ZFAND6: variants seen among roughly 807,000 people sequenced by gnomAD.
The protein encoded by ZFAND6 is zinc finger AN1-type containing 6.
Under a neutral mutation model 24.5 loss-of-function variants are expected in ZFAND6, and 12 were observed. The observed-to-expected ratio is 0.49, with a 90% CI of 0.31 to 0.79. The LOEUF (loss-of-function observed/expected upper bound fraction) is 0.79, where lower values mean the gene tolerates loss of function less well. Ranked by LOEUF, ZFAND6 falls within the 30% of genes least tolerant of loss-of-function variation. The pLI is 0.04. For synonymous variants in ZFAND6, 92 were observed against 81.5 expected, an observed-to-expected ratio of 1.13 and a Z score of -0.69; for missense variants, 207 against 245.9, an observed-to-expected ratio of 0.84 and a Z score of 1.06.
chr15:80,087,191 G>T (rs919300159), intron 1 of ZFAND6, among the ~76,000 whole-genome samples: 1 of 152,174 alleles, frequency 6.6e-6, no homozygotes. Context: ...GAATTTCTAG[G>T]TCTTAGGATA....
intron 1 of ZFAND6, among the ~76,000 whole-genome samples, chr15:80,082,778 T>A (rs990724267): frequency 6.6e-6 from 1 of 152,176 alleles, no homozygotes; most frequent in Non-Finnish European, 1.5e-5. Context: ...CATGCTTCCC[T>A]CCTTGTTTTG....
intron 1 of ZFAND6, among the ~76,000 whole-genome samples, chr15:80,087,310 T>C (rs59740761): frequency 0.017 from 2,651 of 152,308 alleles, 85 homozygotes; most frequent in African/African-American, 0.059. Flanking sequence ...TTCACCCTCA[T>C]CAAAAATCGG....
intron 5 of ZFAND6, among the ~76,000 whole-genome samples, chr15:80,124,757 T>C (rs2040302064): frequency 6.6e-6 from 1 of 152,228 alleles, no homozygotes; most frequent in Admixed American, 6.5e-5. Context: ...TATTAACTTG[T>C]AAGTACCTTT....
At chr15:80,119,214 C>T (rs1365949702) in intron 2 of ZFAND6, among the ~76,000 whole-genome samples, 2 of 152,250 alleles carry the variant, frequency 1.3e-5, no homozygotes, top group South Asian at 2.1e-4. Flanking sequence ...CCAAACAATT[C>T]CCTCAGTCCC....
intron 1 of ZFAND6, among the ~76,000 whole-genome samples, chr15:80,072,931 GTTGT>G (rs2037059646): frequency 6.6e-6 from 1 of 151,762 alleles, no homozygotes; most frequent in African/African-American, 2.4e-5. Context: ...TTTTGAATTG[GTTGT>G]TTGAACAGTC....
intron 2 of ZFAND6, among the ~76,000 whole-genome samples, chr15:80,108,511 G>T (rs2039450692): frequency 6.6e-6 from 1 of 152,142 alleles, no homozygotes; most frequent in Non-Finnish European, 1.5e-5. Context: ...AGAATATTGG[G>T]TGGCCTTGTG....
intron 2 of ZFAND6, among the ~76,000 whole-genome samples, chr15:80,108,405 G>T (rs116986869): frequency 6.6e-6 from 1 of 152,072 alleles, no homozygotes; most frequent in Non-Finnish European, 1.5e-5. Context: ...TAGATAGATC[G>T]ATCAATCTGT....
intron 4 of ZFAND6, 30 bp from the exon 5 acceptor site, chr15:80,122,670 C>A: frequency 6.9e-7 from 1 of 1,448,142 alleles, no homozygotes; most frequent in Non-Finnish European, 9.7e-7. Context: ...TAGAGATCAC[C>A]TTTTAAAATG....
chr15:80,134,013 GT>G (rs1418483403), intron 6 of ZFAND6, among the ~76,000 whole-genome samples: 2 of 148,694 alleles, frequency 1.3e-5, no homozygotes, highest in Non-Finnish European at 3.0e-5. Flanking sequence ...TTGAGATGGA[GT>G]TTCACTCTTT....
intron 1 of ZFAND6, among the ~76,000 whole-genome samples, chr15:80,068,340 A>G (rs999277477): frequency 4.7e-5 from 7 of 148,690 alleles, no homozygotes; most frequent in East Asian, 2.0e-4. Flanking sequence ...AATTTTTTGT[A>G]GAGATGGGGT....
At chr15:80,119,084 A>G (rs1230162819) in intron 2 of ZFAND6, among the ~76,000 whole-genome samples, 2 of 98,610 alleles carry the variant, frequency 2.0e-5, no homozygotes, top group Non-Finnish European at 4.6e-5. Context: ...TTTAATAAGA[A>G]AGAGAGCCCG....
chr15:80,086,199 C>G (rs1373027807), intron 1 of ZFAND6, among the ~76,000 whole-genome samples: 1 of 152,056 alleles, frequency 6.6e-6, no homozygotes, highest in East Asian at 1.9e-4. Flanking sequence ...CCACCACACC[C>G]AGCTAATTTT....
chr15:80,116,676 G>A (rs1349207973), intron 2 of ZFAND6, among the ~76,000 whole-genome samples: 1 of 152,168 alleles, frequency 6.6e-6, no homozygotes, highest in African/African-American at 2.4e-5. Context: ...GTTTCTTAAA[G>A]GATAGTTGCA....
At position 80,127,516 on chromosome 15, in the gene ZFAND6, G is replaced by A. The variant is rs1392037696; in HGVS notation, c.365-3664G>A. Among the ~76,000 whole-genome samples the A allele has an allele frequency of 2.7e-5, 4 of 149,894 alleles. No individual in the cohort carries two copies. The Admixed American group carries it at 2.7e-4, about 10-fold the overall frequency. ...GGCAGAGGAGAATTGCTTGAACTTG[G>A]GAGGTGGAGGTTGCAGTGAGCTGAG... On this transcript the variant is annotated intron_variant, in intron 5 of 6. Transcript: ENST00000261749.
intron 5 of ZFAND6, among the ~76,000 whole-genome samples, chr15:80,126,977 G>T (rs895178222): frequency 1.1e-4 from 17 of 151,930 alleles, no homozygotes; most frequent in African/African-American, 3.9e-4. Context: ...GGTGGCGCAC[G>T]CTTGTAGTCC....
intron 1 of ZFAND6, among the ~76,000 whole-genome samples, chr15:80,096,395 G>T (rs1024539412): frequency 2.6e-5 from 4 of 152,150 alleles, no homozygotes; most frequent in African/African-American, 9.7e-5. Flanking sequence ...CTGAAGCAAA[G>T]TTAGACACTT....
At chr15:80,116,616 CATT>C (rs1264642080) in intron 2 of ZFAND6, among the ~76,000 whole-genome samples, 1 of 152,112 alleles carries the variant, frequency 6.6e-6, no homozygotes, top group African/African-American at 2.4e-5. Context: ...ATTTTAATAA[CATT>C]ATCAGATAAT....
At chr15:80,069,047 G>A (rs1217054595) in intron 1 of ZFAND6, among the ~76,000 whole-genome samples, 1 of 152,176 alleles carries the variant, frequency 6.6e-6, no homozygotes, top group East Asian at 1.9e-4. Context: ...GATTAAAATG[G>A]TTGAGAAAAG....
chr15:80,122,897 A>G lies in ZFAND6; in HGVS notation c.364+97A>G, dbSNP rs918655783. 1.3e-5 allele frequency: 10 copies of G among 793,336 alleles called. 1 individual carries two copies. The African/African-American group carries it at 1.4e-4, about 11-fold the overall frequency. The allele number at this position is 793,336 out of a possible 1,614,324, so 49.1% of individuals were successfully genotyped here. ...TAAAAAAATTGCCAGCTTAAAATACATGTTTTTCTGTTTTCCCTATGAACA... is the reference window on the plus strand; with the variant it reads ...TAAAAAAATTGCCAGCTTAAAATACGTGTTTTTCTGTTTTCCCTATGAACA... On this transcript the variant is annotated intron_variant, in intron 5 of 6. Transcript: ENST00000261749.
Sources: gnomAD v4.1 joint callset for allele counts (sites outside exome capture counted in the v4.1 genomes callset) on GRCh38, gnomAD v4.1.1 for gene constraint, MANE v1.5 for transcripts, NCBI Gene and HGNC (gene_info 2026-07-23, HGNC 2026-07-21) for gene names.